Variants in CLCN7 observed in about 807,000 individuals in gnomAD.
The protein encoded by CLCN7 is Cl-/H+ antiporter 7.
A neutral mutation model predicts 102.1 loss-of-function variants in CLCN7; 60 were observed. The observed-to-expected ratio is 0.59, with a 90% confidence interval of 0.48 to 0.73. The LOEUF is 0.73. CLCN7 is among the 30% of genes least tolerant of loss of function. The pLI is 0.00. For synonymous variants in CLCN7, 560 were observed against 490.5 expected (o/e 1.14, Z -1.87); for missense variants, 962 against 1,125.7 (o/e 0.85, Z 2.08).
At chr16:1,453,736 G>C in intron 14 of CLCN7, 98 bp downstream of exon 14, 3 of 1,140,562 alleles carry the variant, frequency 2.6e-6, no homozygotes. Context: ...TCTTTCGGCT[G>C]TGGCCTAGGA....
chr16:1,456,298 G>C, intron 9 of CLCN7, 92 bp from the exon 10 acceptor site: 2 of 940,058 alleles, frequency 2.1e-6, no homozygotes, highest in Non-Finnish European at 3.4e-6. Context: ...GGCTGTGCAG[G>C]GGAAGGGGCT....
Position 1,445,230 on chromosome 16 carries a change from T to G in CLCN7, c.*1401A>C, listed in dbSNP as rs1197973719. ...GTGCCCTGGGTGGCCGCAGCCGCTG[T>G]CTTTCACGCCTTTCTCACTCCACAC... On this transcript the variant is annotated 3_prime_UTR_variant, in exon 25 of 25. Transcript: ENST00000382745. 6.6e-6 allele frequency: 1 copy of G among 151,780 alleles called. No homozygotes were observed. The highest frequency in any genetic ancestry group is 1.5e-5 in the Non-Finnish European group (1 of 67,954). The allele number at this position is 151,780 out of a possible 1,614,324, so 9.4% of individuals were successfully genotyped here. A position where few individuals can be genotyped will look rare whatever the true frequency, so the allele number is the denominator to read the frequency against.
chr16:1,474,084 C>A (rs1428120952), intron 1 of CLCN7: 11 of 407,610 alleles, frequency 2.7e-5, no homozygotes, highest in East Asian at 7.6e-5. Context: ...AACTCCGTCT[C>A]AAAAAAAAAA....
intron 1 of CLCN7, chr16:1,474,166 A>C: frequency 2.2e-6 from 1 of 456,064 alleles, no homozygotes; most frequent in Non-Finnish European, 4.4e-6. Flanking sequence ...AACACTGCTC[A>C]GACGCACGCT....
intron 1 of CLCN7, among the ~76,000 whole-genome samples, chr16:1,468,373 G>T (rs1388456119): frequency 6.6e-6 from 1 of 152,256 alleles, no homozygotes; most frequent in Non-Finnish European, 1.5e-5. Flanking sequence ...GAAAGGATGG[G>T]GCTCCGGCGC....
intron 18 of CLCN7, 53 bp from the exon 19 acceptor site, chr16:1,449,146 C>T (rs746499005): frequency 3.6e-5 from 58 of 1,608,752 alleles, no homozygotes; most frequent in South Asian, 5.5e-5. Context: ...CTCAGGGTCA[C>T]GTGGCCACTG....
chr16:1,465,712 G>T (rs1448417417), intron 1 of CLCN7, among the ~76,000 whole-genome samples: 1 of 152,316 alleles, frequency 6.6e-6, no homozygotes, highest in East Asian at 1.9e-4. Context: ...CCCTGCTCCC[G>T]AGGCCCTGCT....
In CLCN7 at chr16:1,474,823, C is replaced by A; in HGVS notation, c.141+11G>T. ...GCTCAGTTTCCCCGCCTGCGCCCTG[C>A]CCGGCCTCACCTGGCGCGCAGCCCC... On this transcript the variant is annotated intron_variant, in intron 1 of 24. Coordinates refer to ENST00000382745, the MANE Select transcript of CLCN7 (RefSeq NM_001287.6). 1.5e-6 allele frequency: 2 copies of A among 1,334,732 alleles called. No individual in the cohort carries two copies. The highest frequency in any genetic ancestry group is 3.3e-5 in the Admixed American group (1 of 30,708). 82.7% of individuals were successfully genotyped at this position (1,334,732 alleles called of 1,614,324 possible).
At position 1,459,199 on chromosome 16, in the gene CLCN7, G is replaced by C. The variant is rs778657946; in HGVS notation, c.595-12C>G. 3.1e-6 allele frequency: 5 copies of C among 1,612,310 alleles called. No homozygotes were observed. In the Admixed American group the frequency reaches 6.7e-5, roughly 22 times the overall value. On this transcript the variant is annotated splice_polypyrimidine_tract_variant and intron_variant, in intron 6 of 24. Coordinates refer to ENST00000382745, the MANE Select transcript of CLCN7 (RefSeq NM_001287.6). ...CCAGCAGCCACCGGCTGAAAGAGGG[G>C]AAGCACGGCTGAGTGGGTCACGGCC...
At chr16:1,453,739 G>A (rs1596216660) in intron 14 of CLCN7, 95 bp downstream of exon 14, 10 of 1,165,490 alleles carry the variant, frequency 8.6e-6, no homozygotes, top group Middle Eastern at 1.9e-4. Flanking sequence ...TTCGGCTGTG[G>A]CCTAGGAGTG....
chr16:1,446,840 C>T (rs1302136680), intron 24 of CLCN7, 123 bp from the exon 25 acceptor site: 8 of 1,126,416 alleles, frequency 7.1e-6, no homozygotes, highest in South Asian at 1.3e-5. Flanking sequence ...AGCACAGCCC[C>T]CGAGCTGAGC....
At chr16:1,450,132 C>T (rs1003947696) in intron 17 of CLCN7, 6 of 337,030 alleles carry the variant, frequency 1.8e-5, no homozygotes, top group South Asian at 2.8e-5. Context: ...GCCGCTCTGG[C>T]CCCCGGCCTC....
At chr16:1,449,191 C>T (rs1217179057) in intron 18 of CLCN7, 85 bp downstream of exon 18, 5 of 1,581,410 alleles carry the variant, frequency 3.2e-6, no homozygotes, top group Non-Finnish European at 4.3e-6. Context: ...CCACCTGCTC[C>T]CAGACCCTAG....
Position 1,449,396 on chromosome 16 carries a change from G to A in CLCN7, c.1618-69C>T, listed in dbSNP as rs549205327. On this transcript the variant is annotated intron_variant, in intron 17 of 24. Transcript: ENST00000382745. ...CCAAACCCACCAAGATACACAGACG[G>A]AGGAGGCCCTGCCCAGGCCCAGCAG... 1.0e-5 allele frequency: 15 copies of A among 1,475,696 alleles called. No homozygotes were observed. In the East Asian group the frequency reaches 2.4e-4, roughly 24 times the overall value. 91.4% of individuals were successfully genotyped at this position (1,475,696 alleles called of 1,614,324 possible). A position where few individuals can be genotyped will look rare whatever the true frequency, so the allele number is the denominator to read the frequency against.
At chr16:1,456,384 C>G (rs1469207447) in intron 9 of CLCN7, among the ~76,000 whole-genome samples, 178 bp from the exon 10 acceptor site, 1 of 152,172 alleles carries the variant, frequency 6.6e-6, no homozygotes. Context: ...ACAGCAGGGT[C>G]AGCACCACCA....
chr16:1,451,745 G>A lies in CLCN7; in HGVS notation c.1354-29C>T, dbSNP rs765817741. ...TGGGGTCGGGAGAGAGCACACGTTG[G>A]GAGGGGAGATGAGCTGGTGGGCTGC... On this transcript the variant is annotated intron_variant, in intron 15 of 24. Coordinates refer to ENST00000382745, the MANE Select transcript of CLCN7 (RefSeq NM_001287.6). 3.2e-6 allele frequency: 5 copies of A among 1,586,988 alleles called. No homozygotes were observed. The Middle Eastern group carries it at 5.0e-4, about 159-fold the overall frequency.
chr16:1,456,045 AGAG>A lies in CLCN7; in HGVS notation c.916+65_916+67del, dbSNP rs2038830024. The A allele has an allele frequency of 6.8e-6, 9 of 1,331,164 alleles. No individual in the cohort carries two copies. In the Admixed American group the frequency reaches 9.9e-5, roughly 15 times the overall value. 82.5% of individuals were successfully genotyped at this position (1,331,164 alleles called of 1,614,324 possible). On this transcript the variant is annotated intron_variant, in intron 10 of 24. Transcript: ENST00000382745. ...CCCTCAGCGGGCACTGGGCCTACAG[AGAG>A]GAGACCGTTCCTTCCAACACACAGG...
At position 1,451,685 on chromosome 16, in the gene CLCN7, A is replaced by G. The variant is rs1246603037; in HGVS notation, c.1385T>C (p.Met462Thr). 6.2e-7 allele frequency: 1 copy of G among 1,612,824 alleles called. No individual in the cohort carries two copies. ...CGGGGTGTTGAAGAAGGCCGCAGCCATGGAGTTGTACTCGCCATCTGCACA... is the reference window on the plus strand; with the variant it reads ...CGGGGTGTTGAAGAAGGCCGCAGCCGTGGAGTTGTACTCGCCATCTGCACA... ...LFCADGEYNS[M>T]AAAFFNTPEK... Residue 462 changes from methionine (M) to threonine (T), a missense_variant, in exon 16 of 25, where the codon ATG becomes ACG. This residue lies in a region of CLCN7 where 799 missense variants were observed against 988.0 expected (regional missense o/e 0.81). Transcript: ENST00000382745.
chr16:1,469,191 G>A (rs1011530188), intron 1 of CLCN7, among the ~76,000 whole-genome samples: 7 of 152,150 alleles, frequency 4.6e-5, no homozygotes, highest in African/African-American at 1.4e-4. Context: ...GGGCAACAGA[G>A]CAAGACCCTG....
Sources: allele counts gnomAD v4.1 joint callset (sites outside exome capture counted in the v4.1 genomes callset), GRCh38; gene constraint gnomAD v4.1.1; regional missense constraint gnomAD v4.1.1; transcripts MANE v1.5; gene names NCBI Gene and HGNC (gene_info 2026-07-23, HGNC 2026-07-21).